Variants in KHDRBS2 observed in about 807,000 individuals in gnomAD.
KHDRBS2 encodes KH domain-containing, RNA-binding, signal transduction-associated protein 2.
Under a neutral mutation model 44.3 loss-of-function variants are expected in KHDRBS2, and 26 were observed. The observed-to-expected ratio is 0.59, with a 90% CI of 0.43 to 0.81. The LOEUF is 0.81. Ranked by LOEUF, KHDRBS2 falls within the 40% of genes least tolerant of loss-of-function variation. The probability of loss-of-function intolerance (pLI) is 0.00; values close to 1 mark genes in which losing one functional copy is unlikely to be tolerated. For missense variants in KHDRBS2, 476 were observed against 433.1 expected (o/e 1.10, Z -0.88); for synonymous variants, 194 against 151.1 (o/e 1.28, Z -2.08).
chr6:62,002,969 G>T (rs1225278366), intron 3 of KHDRBS2, among the ~76,000 whole-genome samples: 1 of 151,896 alleles, frequency 6.6e-6, no homozygotes, highest in Admixed American at 6.6e-5. Flanking sequence ...TGAGGATTTG[G>T]TAATACTATT....
chr6:61,965,071 G>A (rs1158076158), intron 4 of KHDRBS2, among the ~76,000 whole-genome samples: 1 of 152,024 alleles, frequency 6.6e-6, no homozygotes, highest in Non-Finnish European at 1.5e-5. Context: ...TTGCTTTTTG[G>A]AAAAGAGGAG....
chr6:61,847,737 T>C (rs1794620683), intron 6 of KHDRBS2, among the ~76,000 whole-genome samples: 1 of 152,094 alleles, frequency 6.6e-6, no homozygotes, highest in Admixed American at 6.5e-5. Flanking sequence ...CTTTCTCTAC[T>C]TCCTTCATGG....
At chr6:61,872,072 C>A (rs1352700488) in intron 6 of KHDRBS2, among the ~76,000 whole-genome samples, 1 of 151,836 alleles carries the variant, frequency 6.6e-6, no homozygotes, top group African/African-American at 2.4e-5. Flanking sequence ...TGTACATATA[C>A]CCCAGAACTT....
chr6:62,104,273 C>A (rs546805029), intron 2 of KHDRBS2, among the ~76,000 whole-genome samples: 1 of 152,058 alleles, frequency 6.6e-6, no homozygotes, highest in South Asian at 2.1e-4. Flanking sequence ...ACTAGACCAT[C>A]TTTTTATCAT....
At chr6:61,719,194 G>A (rs1771940413) in intron 7 of KHDRBS2, among the ~76,000 whole-genome samples, 1 of 152,062 alleles carries the variant, frequency 6.6e-6, no homozygotes, top group African/African-American at 2.4e-5. Context: ...TTTTACATTG[G>A]AAGATTATAA....
chr6:62,007,773 C>T (rs139665773), intron 3 of KHDRBS2, among the ~76,000 whole-genome samples: 1 of 152,024 alleles, frequency 6.6e-6, no homozygotes, highest in East Asian at 1.9e-4. Flanking sequence ...TTCTTCAGTA[C>T]CATAAGTCAA....
intron 1 of KHDRBS2, among the ~76,000 whole-genome samples, chr6:62,265,717 T>G (rs780428939): frequency 2.0e-5 from 3 of 152,002 alleles, no homozygotes; most frequent in Non-Finnish European, 4.4e-5. Flanking sequence ...GTATCTTGTA[T>G]TCACCTGTTC....
intron 2 of KHDRBS2, among the ~76,000 whole-genome samples, chr6:62,106,401 T>G (rs954615287): frequency 6.6e-6 from 1 of 152,094 alleles, no homozygotes; most frequent in Non-Finnish European, 1.5e-5. Context: ...CCATTATTAT[T>G]GTGTGGGAGT....
chr6:61,691,525 C>A lies in KHDRBS2; in HGVS notation c.952+5670G>T, dbSNP rs560021665. ...AGCACAGTCCTATTTTCCCCATAAC[C>A]TATTATGTAACAACTTTAATACAAT... On this transcript the variant is annotated intron_variant, in intron 8 of 8. Transcript: ENST00000281156. Among the ~76,000 whole-genome samples the A allele has an allele frequency of 2.0e-5, 3 of 152,060 alleles. No individual in the cohort carries two copies. In the Middle Eastern group the frequency reaches 0.01, roughly 517 times the overall value.
chr6:61,668,035 T>C, the KHDRBS2 span, among the ~76,000 whole-genome samples: 3 of 151,054 alleles, frequency 2.0e-5, no homozygotes, highest in African/African-American at 7.3e-5. Flanking sequence ...TTCCTATTAA[T>C]CTAAATATAA....
chr6:61,879,495 C>A (rs1165742046), intron 6 of KHDRBS2, among the ~76,000 whole-genome samples: 2 of 151,816 alleles, frequency 1.3e-5, no homozygotes, highest in African/African-American at 4.8e-5. Flanking sequence ...AATTATTAGA[C>A]CCTAAAACTC....
intron 1 of KHDRBS2, among the ~76,000 whole-genome samples, chr6:62,237,101 C>T (rs1833823469): frequency 6.6e-6 from 1 of 152,100 alleles, no homozygotes. Flanking sequence ...CTTTGTTTTC[C>T]AGATTGCCAT....
At chr6:62,196,665 A>G (rs1256974589) in intron 1 of KHDRBS2, among the ~76,000 whole-genome samples, 1 of 152,106 alleles carries the variant, frequency 6.6e-6, no homozygotes, top group Non-Finnish European at 1.5e-5. Flanking sequence ...GAAACTCTTC[A>G]GACTTAGATG....
At chr6:61,895,929 C>T (rs1038901017) in intron 5 of KHDRBS2, among the ~76,000 whole-genome samples, 1 of 152,106 alleles carries the variant, frequency 6.6e-6, no homozygotes, top group African/African-American at 2.4e-5. Flanking sequence ...GGTACGAATG[C>T]TGGCAAAACC....
At chr6:61,978,447 C>G (rs182075559) in intron 3 of KHDRBS2, among the ~76,000 whole-genome samples, 135 of 152,104 alleles carry the variant, frequency 8.9e-4, no homozygotes, top group African/African-American at 3.1e-3. Flanking sequence ...TCATCTACAA[C>G]AGATTTTAAT....
At chr6:61,768,622 C>T (rs1666211969) in intron 6 of KHDRBS2, among the ~76,000 whole-genome samples, 1 of 151,798 alleles carries the variant, frequency 6.6e-6, no homozygotes, top group African/African-American at 2.4e-5. Context: ...CTTTCTTCTG[C>T]TTGGTCAGTT....
chr6:62,003,781 G>A (rs146382980), intron 3 of KHDRBS2, among the ~76,000 whole-genome samples: 2 of 152,204 alleles, frequency 1.3e-5, no homozygotes, highest in African/African-American at 4.8e-5. Context: ...GCACTCCTCA[G>A]CAAATGTAAA....
At chr6:61,623,134 G>A in the KHDRBS2 span, among the ~76,000 whole-genome samples, 2 of 152,086 alleles carry the variant, frequency 1.3e-5, no homozygotes, top group Non-Finnish European at 2.9e-5. Flanking sequence ...AGGCAAACAT[G>A]AAAGAACATG....
chr6:61,801,644 G>A (rs1258081502), intron 6 of KHDRBS2, among the ~76,000 whole-genome samples: 2 of 152,080 alleles, frequency 1.3e-5, no homozygotes, highest in African/African-American at 4.8e-5. Context: ...TAATTATAAT[G>A]ACATTGGTGA....
Sources: allele counts gnomAD v4.1 joint callset (sites outside exome capture counted in the v4.1 genomes callset), GRCh38; gene constraint gnomAD v4.1.1; transcripts MANE v1.5; gene names NCBI Gene and HGNC (gene_info 2026-07-23, HGNC 2026-07-21).